UNC13B: variants seen among roughly 807,000 people sequenced by gnomAD.
UNC13B encodes the protein protein unc-13 homolog B.
Under a neutral mutation model 211.0 loss-of-function variants are expected in UNC13B, and 144 were observed. The observed-to-expected ratio is 0.68, with a 90% CI of 0.60 to 0.78. UNC13B has a LOEUF of 0.78. Among genes scored for constraint, UNC13B ranks in the 30% least tolerant of loss-of-function variants. UNC13B has a pLI of 0.00. For synonymous variants in UNC13B, 709 were observed against 725.8 expected, an observed-to-expected ratio of 0.98 and a Z score of 0.37; for missense variants, 1,777 against 2,002.0, an observed-to-expected ratio of 0.89 and a Z score of 2.14.
At chr9:35,295,674 A>G (rs780526759) in intron 7 of UNC13B, 22 bp from the exon 8 acceptor site, 10 of 1,608,700 alleles carry the variant, frequency 6.2e-6, no homozygotes, top group Non-Finnish European at 8.5e-6. Context: ...GGGTGCTTTG[A>G]TTGAATGTGC....
At position 35,307,170 on chromosome 9, in the gene UNC13B, C is replaced by T. The variant is rs1331303761; in HGVS notation, c.7766C>T (p.Thr2589Ile). Residue 2589 changes from threonine (T) to isoleucine (I), a missense_variant, in exon 9 of 40, where the codon ACC (threonine) becomes ATC (isoleucine). By Grantham distance (89) the Thr-to-Ile change is moderately conservative. Transcript: ENST00000635942. The stretch of plus-strand genomic sequence containing the variant: ...TTGACAGATGATCCTAAACTAACAA[C>T]CAAAATGGAAGACAATAATACTCCT... ...DILTDDPKLT[T>I]KMEDNNTPEN... 2 of 398,864 alleles carry T rather than the reference C, an allele frequency of 5.0e-6. No individual in the cohort carries two copies. Among genetic ancestry groups the T allele is most frequent in the East Asian group, 3.6e-5 (1 of 28,078 alleles). The allele number at this position is 398,864 out of a possible 1,614,324, so 24.7% of individuals were successfully genotyped here.
intron 7 of UNC13B, among the ~76,000 whole-genome samples, chr9:35,289,082 C>T (rs148386279): frequency 3.2e-4 from 48 of 152,014 alleles, no homozygotes; most frequent in African/African-American, 1.1e-3. Flanking sequence ...GCACACTAAG[C>T]CAACATATCC....
chr9:35,197,971 A>G (rs1823039480), intron 1 of UNC13B, among the ~76,000 whole-genome samples: 1 of 152,214 alleles, frequency 6.6e-6, no homozygotes, highest in African/African-American at 2.4e-5. Flanking sequence ...TATGCGAACC[A>G]TTAGGAGATA....
At chr9:35,181,825 C>G (rs1821956426) in intron 1 of UNC13B, among the ~76,000 whole-genome samples, 1 of 152,052 alleles carries the variant, frequency 6.6e-6, no homozygotes, top group African/African-American at 2.4e-5. Context: ...GACAGAGACT[C>G]TGTCTCAAAA....
chr9:35,371,497 C>G (rs531806090), intron 13 of UNC13B, among the ~76,000 whole-genome samples: 38 of 152,154 alleles, frequency 2.5e-4, no homozygotes, highest in African/African-American at 8.9e-4. Context: ...TCTAATGTAC[C>G]TCTTCTTCCA....
intron 26 of UNC13B, among the ~76,000 whole-genome samples, chr9:35,391,411 G>A (rs1001046625): frequency 1.3e-5 from 2 of 152,162 alleles, no homozygotes; most frequent in African/African-American, 4.8e-5. Flanking sequence ...GGAGGAGGAG[G>A]AGCCATCTGG....
At chr9:35,365,439 TG>T (rs2089636475) in intron 11 of UNC13B, among the ~76,000 whole-genome samples, 1 of 152,230 alleles carries the variant, frequency 6.6e-6, no homozygotes, top group Non-Finnish European at 1.5e-5. Flanking sequence ...TCAGACTTTT[TG>T]TGACTTTGTT....
intron 3 of UNC13B, among the ~76,000 whole-genome samples, chr9:35,236,051 T>C (rs573553540): frequency 6.6e-6 from 1 of 151,238 alleles, no homozygotes; most frequent in East Asian, 2.0e-4. Flanking sequence ...GTATACAATT[T>C]AGACATTTAT....
At chr9:35,333,749 A>C (rs1052132721) in intron 11 of UNC13B, among the ~76,000 whole-genome samples, 3 of 152,042 alleles carry the variant, frequency 2.0e-5, no homozygotes, top group African/African-American at 7.2e-5. Flanking sequence ...ATTCTTGTAC[A>C]TTTTATCTGT....
rs774525517 is a variant in UNC13B at position 35,297,547 on chromosome 9, C to CTTTTTTTTTTTTT, written c.761+1625_761+1637dup. Among the ~76,000 whole-genome samples, 13 of 100,856 alleles carry CTTTTTTTTTTTTT rather than the reference C, an allele frequency of 1.3e-4. 1 individual carries two copies. Among genetic ancestry groups the CTTTTTTTTTTTTT allele is most frequent in the South Asian group, 9.3e-4 (3 of 3,210 alleles). The allele number at this position is 100,856 out of a possible 152,430, so 66.2% of individuals were successfully genotyped here. Reference sequence around the variant, plus strand: ...TGCATTCAGGAAGCACATACTTTGTCTTTTTTTTTTTTTTTTTTTTGAGAC... The same window carrying CTTTTTTTTTTTTT: ...TGCATTCAGGAAGCACATACTTTGTCTTTTTTTTTTTTTTTTTTTTTTTTTTTTTTTTTGAGAC... On this transcript the variant is annotated intron_variant, in intron 8 of 39. Coordinates refer to ENST00000635942, the MANE Select transcript of UNC13B (RefSeq NM_001371189.2).
In UNC13B at chr9:35,241,005, T is replaced by C. The variant is rs112248782; in HGVS notation, c.395-2286T>C. On this transcript the variant is annotated intron_variant, in intron 5 of 39. Transcript: ENST00000635942. ...AGGAGGCATGGAGGTTGCAGTGAGC[T>C]GAGATTCCACCACTGCTCTCCAGCC... Among the ~76,000 whole-genome samples, 118 of 146,070 alleles carry C rather than the reference T, an allele frequency of 8.1e-4. 1 individual carries two copies. The South Asian group carries it at 0.019, about 23-fold the overall frequency.
chr9:35,374,688 A>G (rs965027903), intron 13 of UNC13B, among the ~76,000 whole-genome samples: 1 of 152,214 alleles, frequency 6.6e-6, no homozygotes, highest in African/African-American at 2.4e-5. Flanking sequence ...GCCAAGGTAT[A>G]GAGGTTAGCA....
At position 35,295,948 on chromosome 9, in the gene UNC13B, A is replaced by G. The variant is rs1829335929; in HGVS notation, c.761+18A>G. ...GCTATCAGGTGGGTATTGAGCACAA[A>G]GTACTTTCTCTTCCTAATATCCAGG... On this transcript the variant is annotated intron_variant, in intron 8 of 39. Transcript: ENST00000635942. 7.6e-6 allele frequency: 12 copies of G among 1,576,390 alleles called. No homozygotes were observed. The highest frequency in any genetic ancestry group is 1.0e-5 in the Non-Finnish European group (12 of 1,159,228).
chr9:35,169,216 G>A (rs528931124), intron 1 of UNC13B, among the ~76,000 whole-genome samples: 96 of 152,276 alleles, frequency 6.3e-4, no homozygotes, highest in African/African-American at 2.2e-3. Context: ...TTAGCTGTGC[G>A]TGTTGACGCA....
chr9:35,251,844 T>C (rs573659082), intron 6 of UNC13B, among the ~76,000 whole-genome samples: 2 of 152,242 alleles, frequency 1.3e-5, no homozygotes, highest in Non-Finnish European at 2.9e-5. Flanking sequence ...TCTTAAATCA[T>C]TTTACTTTAT....
chr9:35,281,300 C>T (rs1178182083), intron 7 of UNC13B, among the ~76,000 whole-genome samples: 3 of 149,908 alleles, frequency 2.0e-5, no homozygotes, highest in Non-Finnish European at 4.4e-5. Flanking sequence ...CCTGTAATCG[C>T]AGCTACTCGA....
At chr9:35,211,564 C>G (rs1263959490) in intron 1 of UNC13B, among the ~76,000 whole-genome samples, 1 of 152,118 alleles carries the variant, frequency 6.6e-6, no homozygotes, top group African/African-American at 2.4e-5. Flanking sequence ...CAATGAGTAT[C>G]TTTATTTTTG....
chr9:35,281,702 A>G (rs967824745), intron 7 of UNC13B, among the ~76,000 whole-genome samples: 3 of 152,196 alleles, frequency 2.0e-5, no homozygotes, highest in Non-Finnish European at 4.4e-5. Context: ...CCACCCTTAT[A>G]GTATAGAATA....
At chr9:35,238,896 G>C (rs1426664161) in intron 5 of UNC13B, among the ~76,000 whole-genome samples, 1 of 143,816 alleles carries the variant, frequency 7.0e-6, no homozygotes, top group Non-Finnish European at 1.5e-5. Context: ...TTGATTGACA[G>C]GTGGGTTTTT....
Sources: gnomAD v4.1 joint callset for allele counts (sites outside exome capture counted in the v4.1 genomes callset) on GRCh38, gnomAD v4.1.1 for gene constraint, MANE v1.5 for transcripts, NCBI Gene and HGNC (gene_info 2026-07-23, HGNC 2026-07-21) for gene names.